Variants in RAPGEF2 observed in about 807,000 individuals in gnomAD.
RAPGEF2 encodes the protein PDZ domain containing guanine nucleotide exchange factor (GEF) 1.
RAPGEF2 carries 54 observed loss-of-function variants against 186.7 expected under a neutral mutation model. The ratio of observed to expected loss-of-function variants is 0.29; its 90% CI spans 0.23 to 0.36. The LOEUF is 0.36. RAPGEF2 is among the 10% of genes least tolerant of loss of function. RAPGEF2 has a pLI of 1.00. For synonymous variants in RAPGEF2, 712 were observed against 705.9 expected (o/e 1.01, Z -0.14); for missense variants, 1,532 against 2,045.0 (o/e 0.75, Z 4.84).
chr4:159,282,145 TC>T (rs1360435404), intron 7 of RAPGEF2, among the ~76,000 whole-genome samples: 2 of 152,234 alleles, frequency 1.3e-5, no homozygotes, highest in Non-Finnish European at 2.9e-5. Context: ...TCCTGCTTTT[TC>T]AGCTAGGATA....
chr4:159,355,663 A>C (rs1050855858), intron 28 of RAPGEF2, among the ~76,000 whole-genome samples, 190 bp from the exon 29 acceptor site: 1 of 152,188 alleles, frequency 6.6e-6, no homozygotes, highest in African/African-American at 2.4e-5. Flanking sequence ...CAAAGATAAC[A>C]TCATTGTGAA....
chr4:159,263,377 G>A (rs112873555), intron 7 of RAPGEF2, among the ~76,000 whole-genome samples: 3 of 152,206 alleles, frequency 2.0e-5, no homozygotes, highest in Admixed American at 6.5e-5. Context: ...ATAGAAAATA[G>A]CATTTTAAAA....
At chr4:159,254,079 A>T (rs1487158131) in intron 7 of RAPGEF2, among the ~76,000 whole-genome samples, 1 of 152,266 alleles carries the variant, frequency 6.6e-6, no homozygotes, top group Non-Finnish European at 1.5e-5. Flanking sequence ...GCTTCATCAT[A>T]CAGAATATTA....
chr4:159,161,140 C>G (rs906537082), intron 1 of RAPGEF2, among the ~76,000 whole-genome samples: 1 of 152,020 alleles, frequency 6.6e-6, no homozygotes, highest in Non-Finnish European at 1.5e-5. Flanking sequence ...ACATTAAAAA[C>G]GGATTTCTGT....
chr4:159,142,569 G>A (rs1225502475), intron 1 of RAPGEF2, among the ~76,000 whole-genome samples: 1 of 150,292 alleles, frequency 6.7e-6, no homozygotes, highest in East Asian at 1.9e-4. Context: ...GGTAAACCAA[G>A]AACGTTTATT....
At chr4:159,128,757 A>AT (rs915506584) in intron 1 of RAPGEF2, 11 of 151,260 alleles carry the variant, frequency 7.3e-5, no homozygotes, top group African/African-American at 2.7e-4. Context: ...TGTATCTTAA[A>AT]TAGTTTTGAT....
rs1332913499 is a variant in RAPGEF2, at chr4:159,195,904, T to TTC, written c.197+2648_197+2649insTC. Among the ~76,000 whole-genome samples the TTC allele has an allele frequency of 5.0e-3, 641 of 128,850 alleles. 9 individuals carry two copies. The highest frequency in any genetic ancestry group is 0.02 in the African/African-American group (598 of 29,524). The allele number at this position is 128,850 out of a possible 152,430, so 84.5% of individuals were successfully genotyped here. On this transcript the variant is annotated intron_variant, in intron 3 of 29. Transcript: ENST00000691494. Reference sequence around the variant, plus strand: ...TTTTTTTTTTTTTTTTTTTTTTTTTTCCCCAAGTAGGCTTAGAGGTTTAGA... The same window carrying TTC: ...TTTTTTTTTTTTTTTTTTTTTTTTTTTCCCCCAAGTAGGCTTAGAGGTTTAGA...
intron 19 of RAPGEF2, 77 bp from the exon 20 acceptor site, chr4:159,341,487 A>G: frequency 7.0e-7 from 1 of 1,421,958 alleles, no homozygotes; most frequent in Non-Finnish European, 9.5e-7. Context: ...TTCCATAAAA[A>G]GTAGCATTAT....
chr4:159,356,149 G>A lies in RAPGEF2; in HGVS notation c.4948G>A (p.Glu1650Lys), dbSNP rs779060853. The A allele has an allele frequency of 6.4e-5, 104 of 1,613,462 alleles. No homozygotes were observed. Among genetic ancestry groups the A allele is most frequent in the Non-Finnish European group, 8.2e-5 (97 of 1,179,606 alleles). ...CTATCAGTCCCAAGGGTTTTCCACC[G>A]AGGAGGATGGTATATGCACATAAAT... ...APYQSQGFST[E>K]EDEDEQVSAV Residue 1650 changes from glutamate (E) to lysine (K), a missense_variant, in exon 29 of 30, where the codon GAG (glutamate) becomes AAG (lysine). Glu to Lys is a moderately conservative substitution (Grantham distance 56). Transcript: ENST00000691494.
At chr4:159,339,458 T>A in intron 19 of RAPGEF2, 104 bp downstream of exon 19, 1 of 1,348,370 alleles carries the variant, frequency 7.4e-7, no homozygotes, top group Non-Finnish European at 1.0e-6. Context: ...TGAGTAAGTG[T>A]CCCTGCGATT....
chr4:159,174,612 G>T (rs1397697339), intron 1 of RAPGEF2, among the ~76,000 whole-genome samples: 2 of 152,176 alleles, frequency 1.3e-5, no homozygotes, highest in African/African-American at 4.8e-5. Flanking sequence ...GCCTTTTTCA[G>T]TGGAAAACAC....
Position 159,332,364 on chromosome 4 carries a change from A to G in RAPGEF2, c.1889-87A>G, listed in dbSNP as rs1052434965. On this transcript the variant is annotated intron_variant, in intron 16 of 29. Coordinates refer to ENST00000691494, the MANE Select transcript of RAPGEF2 (RefSeq NM_001394067.2). ...GATAACTGAAGTCTGTACTTCTCATATATTTCCAAGTTCCACAATTGCCTT... is the reference window on the plus strand; with the variant it reads ...GATAACTGAAGTCTGTACTTCTCATGTATTTCCAAGTTCCACAATTGCCTT... 7.2e-6 allele frequency: 10 copies of G among 1,382,492 alleles called. No homozygotes were observed. In the Admixed American group the frequency reaches 1.3e-4, roughly 18 times the overall value. The allele number at this position is 1,382,492 out of a possible 1,614,324, so 85.6% of individuals were successfully genotyped here.
intron 7 of RAPGEF2, among the ~76,000 whole-genome samples, chr4:159,257,866 A>G (rs1240853416): frequency 5.3e-5 from 8 of 152,110 alleles, no homozygotes; most frequent in Non-Finnish European, 2.9e-5. Context: ...TGATGCCTCC[A>G]GCTTTGTTCT....
intron 1 of RAPGEF2, among the ~76,000 whole-genome samples, chr4:159,169,086 AC>A (rs1412133238): frequency 6.6e-6 from 1 of 152,234 alleles, no homozygotes; most frequent in African/African-American, 2.4e-5. Flanking sequence ...ACATCCCAGC[AC>A]AGTGCTTTGC....
chr4:159,293,413 G>A (rs1258531928), intron 7 of RAPGEF2, among the ~76,000 whole-genome samples: 3 of 152,146 alleles, frequency 2.0e-5, no homozygotes, highest in African/African-American at 4.8e-5. Flanking sequence ...GCTGTATTTA[G>A]CAAACTCAGA....
At chr4:159,185,777 A>C (rs547138086) in intron 1 of RAPGEF2, among the ~76,000 whole-genome samples, 5 of 152,308 alleles carry the variant, frequency 3.3e-5, no homozygotes, top group Non-Finnish European at 5.9e-5. Flanking sequence ...TGAATTGTTC[A>C]CTTTAAAGGG....
chr4:159,155,049 G>A (rs1013406063), intron 1 of RAPGEF2, among the ~76,000 whole-genome samples: 13 of 151,980 alleles, frequency 8.6e-5, no homozygotes, highest in Admixed American at 2.6e-4. Flanking sequence ...TTGATATTTC[G>A]AATTCAGAAC....
chr4:159,270,178 C>T (rs1419243725), intron 7 of RAPGEF2, among the ~76,000 whole-genome samples: 1 of 152,200 alleles, frequency 6.6e-6, no homozygotes, highest in African/African-American at 2.4e-5. Context: ...GCAGAGTTGG[C>T]AGCTTACAAC....
At chr4:159,151,600 CTGATACAGGA>C (rs200282690) in intron 1 of RAPGEF2, among the ~76,000 whole-genome samples, 4,506 of 152,228 alleles carry the variant, frequency 0.03, 88 homozygotes, top group Non-Finnish European at 0.045. Flanking sequence ...AGATGACAGT[CTGATACAGGA>C]TGCAAAATAT....
Sources: gnomAD v4.1 joint callset for allele counts (sites outside exome capture counted in the v4.1 genomes callset) on GRCh38, gnomAD v4.1.1 for gene constraint, MANE v1.5 for transcripts, NCBI Gene and HGNC (gene_info 2026-07-23, HGNC 2026-07-21) for gene names.